CYP11B2: variants seen among roughly 807,000 people sequenced by gnomAD.
CYP11B2 encodes the protein cytochrome P450 11B2, mitochondrial.
In CYP11B2, 38 loss-of-function variants were observed where a neutral mutation model predicts 49.3. That is an observed-to-expected ratio of 0.77 (90% CI 0.59 to 1.01). The LOEUF (loss-of-function observed/expected upper bound fraction) is 1.01. Ranked by LOEUF, CYP11B2 falls within the 50% of genes least tolerant of loss-of-function variation. CYP11B2 has a pLI of 0.00. For missense variants in CYP11B2, 669 were observed against 655.5 expected, an observed-to-expected ratio of 1.02 and a Z score of -0.23; for synonymous variants, 290 against 269.3, an observed-to-expected ratio of 1.08 and a Z score of -0.75.
Position 142,910,742 on chromosome 8 carries a change from G to C in CYP11B2, c.*1238C>G, listed in dbSNP as rs1454314529. ...GTGGGAAAGCAACCTGCGGTCACAG[G>C]GTGACTGGCCTGAGTCCCTGAGTCC... On this transcript the variant is annotated 3_prime_UTR_variant, in exon 9 of 9. Transcript: ENST00000323110. This position sits in a 1 kb window ranked among gnomAD's most constrained non-coding sequence, Gnocchi z 4.6. The C allele has an allele frequency of 6.6e-6, 1 of 152,092 alleles. No individual in the cohort carries two copies. Among genetic ancestry groups the C allele is most frequent in the Admixed American group, 6.5e-5 (1 of 15,272 alleles). 9.4% of individuals were successfully genotyped at this position (152,092 alleles called of 1,614,324 possible).
chr8:142,911,501 GGCT>G lies in CYP11B2; in HGVS notation c.*476_*478del. The G allele has an allele frequency of 5.2e-6, 1 of 192,954 alleles. No individual in the cohort carries two copies. The highest frequency in any genetic ancestry group is 1.1e-5 in the Non-Finnish European group (1 of 92,714). 12.0% of individuals were successfully genotyped at this position (192,954 alleles called of 1,614,324 possible). A position where few individuals can be genotyped will look rare whatever the true frequency, so the allele number is the denominator to read the frequency against. On this transcript the variant is annotated 3_prime_UTR_variant, in exon 9 of 9. Coordinates refer to ENST00000323110, the MANE Select transcript of CYP11B2 (RefSeq NM_000498.3). Reference sequence around the variant, plus strand: ...GGCATGCTCGAGCTGCCTGGGGTCAGGCTGCAGGAGGGAACTTGACTGGACTCT... The same window carrying G: ...GGCATGCTCGAGCTGCCTGGGGTCAGGCAGGAGGGAACTTGACTGGACTCT...
At chr8:142,914,481 C>T (rs1363290729) in intron 4 of CYP11B2, 63 bp from the exon 5 acceptor site, 7 of 1,513,174 alleles carry the variant, frequency 4.6e-6, no homozygotes, top group African/African-American at 1.4e-5. Context: ...TCAGTGTCCT[C>T]CTCCTGCCCA....
intron 2 of CYP11B2, 33 bp from the exon 3 acceptor site, chr8:142,915,278 C>T (rs61757309): frequency 3.3e-5 from 51 of 1,560,516 alleles, no homozygotes; most frequent in Middle Eastern, 1.8e-4. Context: ...TGTGAGGCCG[C>T]CCCAGCAAGA....
In CYP11B2 at chr8:142,912,712, A is replaced by C. The variant is rs1817560561; in HGVS notation, c.1216T>G (p.Phe406Val). The change falls in exon 8 of 9, where the codon TTC (phenylalanine) becomes GTC (valine). Residue 406 changes from phenylalanine (F) to valine (V), a missense_variant. Phe to Val is a conservative substitution (Grantham distance 50). Coordinates refer to ENST00000323110, the MANE Select transcript of CYP11B2 (RefSeq NM_000498.3). ...HIPAGTLVQV[F>V]LYSLGRNAAL... Reference sequence around the variant, plus strand: ...GCATTGCGACCCAGCGAGTAGAGGAAAACCTGTACCAATGTCTGCGGACGG... The same window carrying C: ...GCATTGCGACCCAGCGAGTAGAGGACAACCTGTACCAATGTCTGCGGACGG... 8.7e-6 allele frequency: 14 copies of C among 1,613,914 alleles called. No individual in the cohort carries two copies. The highest frequency in any genetic ancestry group is 1.2e-5 in the Non-Finnish European group (14 of 1,179,928).
intron 1 of CYP11B2, 33 bp downstream of exon 1, chr8:142,917,569 G>C: frequency 1.2e-6 from 2 of 1,613,758 alleles, no homozygotes; most frequent in Middle Eastern, 3.4e-4. Context: ...CAGGGATCTG[G>C]GTGTTCCCAG....
intron 2 of CYP11B2, among the ~76,000 whole-genome samples, chr8:142,916,027 G>A (rs1382052141): frequency 6.6e-6 from 1 of 152,104 alleles, no homozygotes; most frequent in Non-Finnish European, 1.5e-5. Context: ...ACCCATGCCG[G>A]CACCTGCACA....
Position 142,912,149 on chromosome 8 carries a change from C to T in CYP11B2, c.1399-56G>A, listed in dbSNP as rs913131753. The T allele has an allele frequency of 2.5e-6, 4 of 1,611,830 alleles. No individual in the cohort carries two copies. In the African/African-American group the frequency reaches 5.3e-5, roughly 22 times the overall value. ...TGGTCAGTAGCCCATGGACCTGGGG[C>T]AGCTTCCTCCCATCGTCCCAGGTGC... On this transcript the variant is annotated intron_variant, in intron 8 of 8. Transcript: ENST00000323110.
Position 142,913,453 on chromosome 8 carries a change from T to C in CYP11B2, c.955-2A>G. 1 of 1,613,936 alleles carries C rather than the reference T, an allele frequency of 6.2e-7. No homozygotes were observed. Among genetic ancestry groups the C allele is most frequent in the Non-Finnish European group, 8.5e-7 (1 of 1,179,980 alleles). ...CGTCATCAGCAAGGGAAACGCTGTC[T>C]ACAGAAGCCATGTCTGCAGGGTCAG... On this transcript the variant is annotated splice_acceptor_variant, in intron 5 of 8. Coordinates refer to ENST00000323110, the MANE Select transcript of CYP11B2 (RefSeq NM_000498.3). LOFTEE classifies it high-confidence loss of function.
chr8:142,911,711 G>C lies in CYP11B2; in HGVS notation c.*269C>G. ...GGAGTAGAGTCAAGCTGTCCAGAGG[G>C]CACTGCTTGCTGGAGAAGGGGCCAG... On this transcript the variant is annotated 3_prime_UTR_variant, in exon 9 of 9. Coordinates refer to ENST00000323110, the MANE Select transcript of CYP11B2 (RefSeq NM_000498.3). 2.0e-6 allele frequency: 1 copy of C among 509,432 alleles called. No homozygotes were observed. Among genetic ancestry groups the C allele is most frequent in the East Asian group, 3.6e-5 (1 of 27,418 alleles). The allele number at this position is 509,432 out of a possible 1,614,324, so 31.6% of individuals were successfully genotyped here.
rs1191402804 is a variant in CYP11B2, at chr8:142,913,394, G to C, written c.1012C>G (p.Gln338Glu). The stretch of plus-strand genomic sequence containing the variant: ...GCCAGGCTCTCCTGGCGCAGGATCT[G>C]CTGCACGTCGGGGTTCCGAGCCAGC... Reference protein sequence around the residue: ...FELARNPDVQQILRQESLAAA... With the variant: ...FELARNPDVQEILRQESLAAA... The change falls in exon 6 of 9, where the codon CAG (glutamine) becomes GAG (glutamate). Residue 338 changes from glutamine to glutamate, a missense_variant. By Grantham distance (29) the Gln-to-Glu change is conservative. Coordinates refer to ENST00000323110, the MANE Select transcript of CYP11B2 (RefSeq NM_000498.3). 6.2e-7 allele frequency: 1 copy of C among 1,613,910 alleles called. No homozygotes were observed. The highest frequency in any genetic ancestry group is 8.5e-7 in the Non-Finnish European group (1 of 1,180,032).
At position 142,911,974 on chromosome 8, in the gene CYP11B2, G is replaced by T. The variant is rs1586573180; in HGVS notation, c.*6C>A. Reference sequence around the variant, plus strand: ...CCAGGCTGGGACCCTGGGTGCAGATGCAAGACTAGTTAATCGCTCTGAAAG... The same window carrying T: ...CCAGGCTGGGACCCTGGGTGCAGATTCAAGACTAGTTAATCGCTCTGAAAG... On this transcript the variant is annotated 3_prime_UTR_variant, in exon 9 of 9. Coordinates refer to ENST00000323110, the MANE Select transcript of CYP11B2 (RefSeq NM_000498.3). 1.2e-6 allele frequency: 2 copies of T among 1,613,998 alleles called. No homozygotes were observed. Among genetic ancestry groups the T allele is most frequent in the Middle Eastern group, 1.6e-4 (1 of 6,062 alleles).
intron 3 of CYP11B2, 36 bp downstream of exon 3, chr8:142,915,010 G>C (rs746405641): frequency 2.5e-6 from 4 of 1,612,910 alleles, no homozygotes; most frequent in Non-Finnish European, 1.7e-6. Context: ...GCCACTCCAG[G>C]GTCTCTGGGG....
intron 1 of CYP11B2, 21 bp downstream of exon 1, chr8:142,917,581 G>A (rs749475531): frequency 1.7e-5 from 27 of 1,613,808 alleles, no homozygotes; most frequent in Middle Eastern, 3.3e-4. Context: ...TGTTCCCAGC[G>A]AGGGCCAGGG....
At chr8:142,917,037 C>A in intron 2 of CYP11B2, 22 bp downstream of exon 2, 1 of 1,613,796 alleles carries the variant, frequency 6.2e-7, no homozygotes, top group South Asian at 1.1e-5. Context: ...TCCCAGCTCT[C>A]AGCTCCCAAC....
At position 142,911,679 on chromosome 8, in the gene CYP11B2, A is replaced by C; in HGVS notation, c.*301T>G. ...ATGGCCTCATGAGGAGCCTGGAGCC[A>C]GCGCTGGGAGTAGAGTCAAGCTGTC... is the stretch of plus-strand genomic sequence containing the variant. On this transcript the variant is annotated 3_prime_UTR_variant, in exon 9 of 9. Coordinates refer to ENST00000323110, the MANE Select transcript of CYP11B2 (RefSeq NM_000498.3). The C allele has an allele frequency of 1.3e-4, 42 of 326,728 alleles. No individual in the cohort carries two copies. The highest frequency in any genetic ancestry group is 5.2e-4 in the East Asian group (8 of 15,474). The allele number at this position is 326,728 out of a possible 1,614,324, so 20.2% of individuals were successfully genotyped here. A position where few individuals can be genotyped will look rare whatever the true frequency, so the allele number is the denominator to read the frequency against.
rs200555543 is a variant in CYP11B2, at chr8:142,911,996, A to C, written c.1496T>G (p.Phe499Cys). The C allele has an allele frequency of 1.9e-6, 3 of 1,614,002 alleles. No individual in the cohort carries two copies. Among genetic ancestry groups the C allele is most frequent in the African/African-American group, 1.3e-5 (1 of 75,006 alleles). The change falls in exon 9 of 9, where the codon TTC (phenylalanine) becomes TGC (cysteine). Residue 499 changes from phenylalanine (F) to cysteine (C), a missense_variant. Transcript: ENST00000323110. ...LRPGTSPLLTFRAIN is the reference protein window; with the variant it reads ...LRPGTSPLLTCRAIN ...GATGCAAGACTAGTTAATCGCTCTG[A>C]AAGTGAGGAGGGGGGACGTGCCAGG... is the stretch of plus-strand genomic sequence containing the variant.
chr8:142,917,097 G>A lies in CYP11B2; in HGVS notation c.357C>T (p.Tyr119=). The change falls in exon 2 of 9, where the codon TAC becomes TAT. Residue 119 remains tyrosine (Y), a synonymous_variant. Transcript: ENST00000323110. ...CRMILEPWVA[Y]RQHRGHKCGV... ...CACATTTGTGCCCACGATGTTGTCTGTAGGCCACCCAGGGCTCCAGGATCA... is the reference window on the plus strand; with the variant it reads ...CACATTTGTGCCCACGATGTTGTCTATAGGCCACCCAGGGCTCCAGGATCA... 6.2e-7 allele frequency: 1 copy of A among 1,614,196 alleles called. No individual in the cohort carries two copies. Among genetic ancestry groups the A allele is most frequent in the Non-Finnish European group, 8.5e-7 (1 of 1,180,020 alleles).
chr8:142,913,507 G>A (rs1271110852), intron 5 of CYP11B2, 56 bp from the exon 6 acceptor site: 36 of 1,610,218 alleles, frequency 2.2e-5, no homozygotes, highest in Non-Finnish European at 3.0e-5. Flanking sequence ...CAGCCCCCGG[G>A]ACACCCCTCC....
chr8:142,915,375 C>T, intron 2 of CYP11B2, 130 bp from the exon 3 acceptor site: 3 of 897,070 alleles, frequency 3.3e-6, no homozygotes, highest in South Asian at 2.9e-5. Context: ...GTAGAAGCTG[C>T]CTGTTTGTGT....
Sources: gnomAD v4.1 joint callset for allele counts (sites outside exome capture counted in the v4.1 genomes callset) on GRCh38, gnomAD v4.1.1 for gene constraint, Gnocchi (gnomAD v3.1) non-coding constraint, MANE v1.5 for transcripts, NCBI Gene and HGNC (gene_info 2026-07-23, HGNC 2026-07-21) for gene names.